The following EPB41L4A variants were observed in gnomAD, a reference collection of about 807,000 sequenced individuals.
EPB41L4A encodes erythrocyte membrane protein band 4.1 like 4A.
A neutral mutation model predicts 108.6 loss-of-function variants in EPB41L4A; 100 were observed. The ratio of observed to expected loss-of-function variants is 0.92; its 90% CI spans 0.78 to 1.09. EPB41L4A has a LOEUF of 1.09. Among genes scored for constraint, EPB41L4A ranks in the 50% least tolerant of loss-of-function variants. The pLI is 0.00. For missense variants in EPB41L4A, 1,030 were observed against 842.7 expected, an observed-to-expected ratio of 1.22 and a Z score of -2.75; for synonymous variants, 319 against 289.0, an observed-to-expected ratio of 1.10 and a Z score of -1.05.
Position 112,184,057 on chromosome 5 carries a change from T to C in EPB41L4A, c.1581A>G (p.Gln527=). The stretch of plus-strand genomic sequence containing the variant: ...TGGATCGCCTGTTGTTGGGGTCGGC[T>C]TGGTTTTTTTCCTTTTGTCTCCTTA... ...AVLRRQKEKN[Q]ADPNNRRSRH... The change falls in exon 18 of 23, where the codon CAA becomes CAG. Residue 527 remains glutamine (Q), a synonymous_variant. Transcript: ENST00000261486. 6.2e-7 allele frequency: 1 copy of C among 1,614,054 alleles called. No homozygotes were observed. The highest frequency in any genetic ancestry group is 8.5e-7 in the Non-Finnish European group (1 of 1,179,962).
intron 1 of EPB41L4A, among the ~76,000 whole-genome samples, chr5:112,394,194 C>T (rs542540594): frequency 6.6e-6 from 1 of 152,296 alleles, no homozygotes; most frequent in Non-Finnish European, 1.5e-5. Context: ...CAGGGATGCC[C>T]TCTCTCACCA....
At chr5:112,185,620 G>A (rs1761389783) in intron 17 of EPB41L4A, among the ~76,000 whole-genome samples, 1 of 152,134 alleles carries the variant, frequency 6.6e-6, no homozygotes, top group African/African-American at 2.4e-5. Context: ...ATTATTTGAA[G>A]ATTAACAGGA....
intron 9 of EPB41L4A, among the ~76,000 whole-genome samples, chr5:112,247,430 C>A (rs576802642): frequency 9.2e-5 from 14 of 152,270 alleles, no homozygotes; most frequent in African/African-American, 3.4e-4. Context: ...CTACGTGGAC[C>A]CGCCATTTCC....
intron 3 of EPB41L4A, among the ~76,000 whole-genome samples, chr5:112,279,799 G>A (rs915626007): frequency 1.3e-5 from 2 of 151,966 alleles, no homozygotes; most frequent in Non-Finnish European, 2.9e-5. Flanking sequence ...GTCTCTCTCT[G>A]AAGACCACTT....
At chr5:112,156,684 T>C (rs1282811487) in intron 12 of EPB41L4A, among the ~76,000 whole-genome samples, 7 of 152,174 alleles carry the variant, frequency 4.6e-5, no homozygotes, top group Admixed American at 4.6e-4. Flanking sequence ...ATACATAAAA[T>C]CGACTATCAC....
At chr5:112,278,414 G>C (rs1439594970) in intron 3 of EPB41L4A, among the ~76,000 whole-genome samples, 1 of 151,774 alleles carries the variant, frequency 6.6e-6, no homozygotes, top group Non-Finnish European at 1.5e-5. Flanking sequence ...ACCACATCTG[G>C]CTAATTTTTG....
At chr5:112,202,022 C>A (rs1475953122) in intron 15 of EPB41L4A, among the ~76,000 whole-genome samples, 1 of 152,142 alleles carries the variant, frequency 6.6e-6, no homozygotes, top group Admixed American at 6.6e-5. Flanking sequence ...AGATAGAAAG[C>A]CTGGAAATTT....
At chr5:112,313,526 G>A (rs1229134746) in intron 1 of EPB41L4A, among the ~76,000 whole-genome samples, 4 of 152,118 alleles carry the variant, frequency 2.6e-5, no homozygotes, top group African/African-American at 9.7e-5. Context: ...GGGAGGTGGA[G>A]GCTGCAGTAA....
chr5:112,168,843 T>G, intron 21 of EPB41L4A, 23 bp from the exon 22 acceptor site: 1 of 1,592,816 alleles, frequency 6.3e-7, no homozygotes, highest in South Asian at 1.1e-5. Context: ...AGTTTTAGAA[T>G]TAGTGACTGG....
chr5:112,347,718 T>C (rs1757776110), intron 1 of EPB41L4A, among the ~76,000 whole-genome samples: 1 of 152,214 alleles, frequency 6.6e-6, no homozygotes, highest in Admixed American at 6.5e-5. Flanking sequence ...TGAGAAAGAA[T>C]GTGAACTAGT....
At chr5:112,247,754 C>T (rs1047228397) in intron 9 of EPB41L4A, among the ~76,000 whole-genome samples, 8 of 152,170 alleles carry the variant, frequency 5.3e-5, no homozygotes, top group African/African-American at 1.9e-4. Context: ...GAAGGAGAAA[C>T]AAAGTATTCC....
rs150002634 is a variant in EPB41L4A at position 112,172,975 on chromosome 5, T to C, written c.1623-1983A>G. 2.6e-5 allele frequency among the ~76,000 whole-genome samples: 4 copies of C among 152,282 alleles called. 1 individual carries two copies. In the East Asian group the frequency reaches 5.8e-4, roughly 22 times the overall value. On this transcript the variant is annotated intron_variant, in intron 18 of 22. Coordinates refer to ENST00000261486, the MANE Select transcript of EPB41L4A (RefSeq NM_022140.5). ...GTAGCACCTGTGGCCTCTACCCAAC[T>C]AGACGCCAGTAGCACCTCCCCAGTG... is the stretch of plus-strand genomic sequence containing the variant.
chr5:112,419,002 CA>C lies in EPB41L4A; in HGVS notation c.37del (p.Cys13AlafsTer11), dbSNP rs1334281256. ...GGATTCATCCAGGAGCAAAACTTCG[CA>C]GTAAAATTCTTCCGGAACAGCGCAG... ...CFCAVPEEFY[C>X]EVLLLDESKL... On this transcript the variant is annotated frameshift_variant, in exon 1 of 23. Coordinates refer to ENST00000261486, the MANE Select transcript of EPB41L4A (RefSeq NM_022140.5). LOFTEE classifies it high-confidence loss of function. The C allele has an allele frequency of 6.2e-7, 1 of 1,613,534 alleles. No individual in the cohort carries two copies. The highest frequency in any genetic ancestry group is 2.2e-5 in the East Asian group (1 of 44,832).
chr5:112,196,168 T>C (rs1429927250), intron 15 of EPB41L4A, among the ~76,000 whole-genome samples: 1 of 152,166 alleles, frequency 6.6e-6, no homozygotes, highest in African/African-American at 2.4e-5. Context: ...CTTTGCTCTC[T>C]TACCACAATC....
intron 1 of EPB41L4A, among the ~76,000 whole-genome samples, chr5:112,325,753 G>C (rs541438430): frequency 8.5e-5 from 13 of 152,296 alleles, no homozygotes; most frequent in South Asian, 6.2e-4. Flanking sequence ...ACCTCGGCAG[G>C]CTGCTTAACC....
intron 13 of EPB41L4A, chr5:112,205,873 C>T (rs138514752): frequency 2.4e-4 from 48 of 200,360 alleles, no homozygotes; most frequent in African/African-American, 8.6e-4. Context: ...TTCAGCCTGG[C>T]TCCCTTTTTA....
At chr5:112,212,305 T>TTTC (rs1561480006) in intron 12 of EPB41L4A, among the ~76,000 whole-genome samples, 1 of 149,234 alleles carries the variant, frequency 6.7e-6, no homozygotes, top group African/African-American at 2.5e-5. Flanking sequence ...TTTTTTTTTT[T>TTTC]CTCCTGAGAC....
At chr5:112,390,735 A>C (rs1760881085) in intron 1 of EPB41L4A, among the ~76,000 whole-genome samples, 1 of 152,224 alleles carries the variant, frequency 6.6e-6, no homozygotes, top group Non-Finnish European at 1.5e-5. Flanking sequence ...GAACGGACAG[A>C]CTGCCTCCTC....
intron 1 of EPB41L4A, among the ~76,000 whole-genome samples, chr5:112,388,648 C>A (rs1760726178): frequency 2.0e-5 from 3 of 152,198 alleles, no homozygotes; most frequent in Non-Finnish European, 2.9e-5. Flanking sequence ...AGACACTGCT[C>A]TGTGCCCCAA....
Sources: gnomAD v4.1 joint callset for allele counts (sites outside exome capture counted in the v4.1 genomes callset) on GRCh38, gnomAD v4.1.1 for gene constraint, MANE v1.5 for transcripts, NCBI Gene and HGNC (gene_info 2026-07-23, HGNC 2026-07-21) for gene names.